Variants in PFAS observed in about 807,000 individuals in gnomAD.
PFAS encodes the protein FGAM synthase.
A neutral mutation model predicts 140.6 loss-of-function variants in PFAS; 97 were observed. That is an observed-to-expected ratio of 0.69 (90% CI 0.59 to 0.82). The LOEUF is 0.82. PFAS is among the 40% of genes least tolerant of loss of function. PFAS has a pLI of 0.00. For synonymous variants in PFAS, 679 were observed against 718.8 expected (o/e 0.94, Z 0.88); for missense variants, 1,656 against 1,780.2 (o/e 0.93, Z 1.26).
At position 8,266,272 on chromosome 17, in the gene PFAS, G is replaced by A; in HGVS notation, c.2740G>A (p.Gly914Ser). 1 of 1,614,126 alleles carries A rather than the reference G, an allele frequency of 6.2e-7. No individual in the cohort carries two copies. Among genetic ancestry groups the A allele is most frequent in the Non-Finnish European group, 8.5e-7 (1 of 1,180,006 alleles). Residue 914 changes from glycine to serine, a missense_variant, in exon 22 of 28, where the codon GGC becomes AGC. Gly to Ser is a moderately conservative substitution (Grantham distance 56, BLOSUM62 0). Around this residue, in one of 2 missense-constraint regions of PFAS, gnomAD observed 883 missense variants for 1,023.0 expected, o/e 0.86. Transcript: ENST00000314666. The surrounding 1 kb of genome is among the most constrained non-coding windows in gnomAD (Gnocchi z 5.0). ...LCSGHDVSDG[G>S]LVTCLLEMAF... ...CTCAGGCCACGATGTCAGTGACGGA[G>A]GCCTCGTCACATGCCTGCTGGAGAT...
chr17:8,255,905 C>G lies in PFAS; in HGVS notation c.675C>G (p.Ser225=). The change falls in exon 6 of 28, where the codon TCC becomes TCG. Residue 225 remains serine, a synonymous_variant. Coordinates refer to ENST00000314666, the MANE Select transcript of PFAS (RefSeq NM_012393.3). ...TGGAGGCCTTTGACTTGGCGCAGTC[C>G]AATAGGTGAGGAGAAATGGGGTTGT... is the stretch of plus-strand genomic sequence containing the variant. ...STVEAFDLAQ[S]NSEHSRHWFF... is the part of the protein sequence containing the mutation. The G allele has an allele frequency of 6.2e-7, 1 of 1,610,236 alleles. No homozygotes were observed. Among genetic ancestry groups the G allele is most frequent in the South Asian group, 1.1e-5 (1 of 91,000 alleles).
Position 8,265,953 on chromosome 17 carries a change from T to A in PFAS, c.2637T>A (p.Pro879=), listed in dbSNP as rs1403541548. 1 of 1,613,666 alleles carries A rather than the reference T, an allele frequency of 6.2e-7. No individual in the cohort carries two copies. The highest frequency in any genetic ancestry group is 8.5e-7 in the Non-Finnish European group (1 of 1,179,818). Residue 879 remains proline, a synonymous_variant, in exon 21 of 28, where the codon CCT becomes CCA. Transcript: ENST00000314666. ...GCTTCTCCCAGCTTGGGGAACACCC[T>A]CCAGACCTGGACCTTCCTGAGAACT... is the stretch of plus-strand genomic sequence containing the variant. ...AQCFSQLGEH[P]PDLDLPENLV...
chr17:8,262,817 G>T (rs966199553), intron 11 of PFAS, 103 bp from the exon 12 acceptor site: 1 of 884,416 alleles, frequency 1.1e-6, no homozygotes, highest in Admixed American at 1.9e-5. Flanking sequence ...AGCTGGTCAG[G>T]CTTCTCCCTA....
intron 1 of PFAS, 30 bp from the exon 2 acceptor site, chr17:8,253,829 A>C (rs1167975102): frequency 2.1e-6 from 3 of 1,450,808 alleles, no homozygotes; most frequent in African/African-American, 2.8e-5. Flanking sequence ...GTGAGCCACC[A>C]CGCCCGGCTT....
chr17:8,258,797 T>C (rs1271821231), intron 11 of PFAS, among the ~76,000 whole-genome samples: 2 of 151,942 alleles, frequency 1.3e-5, no homozygotes, highest in Non-Finnish European at 2.9e-5. Context: ...CCATCCTGGC[T>C]AACACGGTGA....
In PFAS at chr17:8,269,005, G is replaced by T; in HGVS notation, c.3758G>T (p.Gly1253Val). ...PELQAQIEAR[G>V]LAPLHWADDD... ...CTCCAAGCTCAGATTGAGGCCAGGGGCTTGGCTCCACTGCACTGGGCTGAT... is the reference window on the plus strand; with the variant it reads ...CTCCAAGCTCAGATTGAGGCCAGGGTCTTGGCTCCACTGCACTGGGCTGAT... The change falls in exon 28 of 28, where the codon GGC becomes GTC. Residue 1253 changes from glycine to valine, a missense_variant. Transcript: ENST00000314666. The T allele has an allele frequency of 6.2e-7, 1 of 1,614,194 alleles. No homozygotes were observed.
chr17:8,254,139 AG>A lies in PFAS; in HGVS notation c.143-25del, dbSNP rs1240693853. ...CCTCGGTGCTGGGGGCAGTGTCTCA[AG>A]GTGTCCTTGCCCTGTCTCCCTGCAG... On this transcript the variant is annotated intron_variant, in intron 2 of 27. Coordinates refer to ENST00000314666, the MANE Select transcript of PFAS (RefSeq NM_012393.3). 3 of 1,613,912 alleles carry A rather than the reference AG, an allele frequency of 1.9e-6. No individual in the cohort carries two copies. In the African/African-American group the frequency reaches 4.0e-5, roughly 22 times the overall value.
chr17:8,264,701 C>G (rs112093474), intron 17 of PFAS, 100 bp downstream of exon 17: 6 of 1,350,390 alleles, frequency 4.4e-6, no homozygotes, highest in Admixed American at 4.5e-5. Flanking sequence ...TTTGCCTGGC[C>G]CTGCAGGAAG....
chr17:8,260,001 T>C (rs1989527028), intron 11 of PFAS, among the ~76,000 whole-genome samples: 1 of 151,786 alleles, frequency 6.6e-6, no homozygotes, highest in African/African-American at 2.4e-5. Context: ...CTCGGGAGGC[T>C]GAGGCAGGAG....
chr17:8,267,002 C>G lies in PFAS; in HGVS notation c.2968-26C>G, dbSNP rs138099383. ...GAGGGGGCCATCCTTTCTCCTAGCC[C>G]GTGGGAGATTTGTTCCTCTTCCTAG... On this transcript the variant is annotated intron_variant, in intron 23 of 27. Coordinates refer to ENST00000314666, the MANE Select transcript of PFAS (RefSeq NM_012393.3). The surrounding 1 kb of genome is among the most constrained non-coding windows in gnomAD (Gnocchi z 4.9). 2.5e-6 allele frequency: 4 copies of G among 1,611,904 alleles called. No homozygotes were observed. The highest frequency in any genetic ancestry group is 3.4e-6 in the Non-Finnish European group (4 of 1,179,272).
At chr17:8,258,922 C>G (rs1209705620) in intron 11 of PFAS, among the ~76,000 whole-genome samples, 2 of 150,666 alleles carry the variant, frequency 1.3e-5, no homozygotes, top group South Asian at 2.1e-4. Flanking sequence ...GGAGGTGGAG[C>G]TTGCAGTGAG....
rs766941499 is a variant in PFAS, at chr17:8,258,135, C to G, written c.1272C>G (p.Ile424Met). ...AGCGGCGTGAGTGGATCAAGCCCATCATGTTTAGTGGGGGCATTGGGTCCA... is the reference window on the plus strand; with the variant it reads ...AGCGGCGTGAGTGGATCAAGCCCATGATGTTTAGTGGGGGCATTGGGTCCA... ...DGQRREWIKP[I>M]MFSGGIGSME... The change falls in exon 11 of 28, where the codon ATC (isoleucine) becomes ATG (methionine). Residue 424 changes from isoleucine (I) to methionine (M), a missense_variant. By Grantham distance (10) the Ile-to-Met change is conservative. Transcript: ENST00000314666. 1.2e-6 allele frequency: 2 copies of G among 1,614,142 alleles called. No homozygotes were observed. The highest frequency in any genetic ancestry group is 4.5e-5 in the East Asian group (2 of 44,888).
chr17:8,264,422 C>G, intron 16 of PFAS, 48 bp from the exon 17 acceptor site: 1 of 1,612,154 alleles, frequency 6.2e-7, no homozygotes, highest in Non-Finnish European at 8.5e-7. Flanking sequence ...GCCTGTGTGC[C>G]CAGCCCGCCC....
chr17:8,257,299 G>A (rs944272578), intron 9 of PFAS, among the ~76,000 whole-genome samples: 30 of 152,100 alleles, frequency 2.0e-4, no homozygotes, highest in Admixed American at 1.5e-3. Flanking sequence ...GCTCACGCCT[G>A]TAATCCCAGC....
Position 8,266,811 on chromosome 17 carries a change from C to G in PFAS, c.2880C>G (p.Asp960Glu). 6.2e-7 allele frequency: 1 copy of G among 1,612,484 alleles called. No individual in the cohort carries two copies. The highest frequency in any genetic ancestry group is 1.1e-5 in the South Asian group (1 of 91,060). ...TCGTGCTGGAGGTGCAGGAGCCAGA[C>G]CTGGCCCAGGTGCTGAAGCGTTACC... ...PGLVLEVQEP[D>E]LAQVLKRYRD... is the part of the protein sequence containing the mutation. Residue 960 changes from aspartate (D) to glutamate (E), a missense_variant, in exon 23 of 28, where the codon GAC (aspartate) becomes GAG (glutamate). Physicochemically the swap from Asp to Glu is conservative, Grantham distance 45. Around this residue, in one of 2 missense-constraint regions of PFAS, gnomAD observed 883 missense variants for 1,023.0 expected, o/e 0.86. Transcript: ENST00000314666. The surrounding 1 kb of genome is among the most constrained non-coding windows in gnomAD (Gnocchi z 5.0).
chr17:8,254,964 C>T, intron 3 of PFAS, 63 bp from the exon 4 acceptor site: 1 of 1,139,102 alleles, frequency 8.8e-7, no homozygotes, highest in Non-Finnish European at 1.3e-6. Flanking sequence ...TAGGCAGGAT[C>T]CACCCTCCCA....
Position 8,268,651 on chromosome 17 carries a change from C to G in PFAS, c.3501C>G (p.Leu1167=). 2 of 1,613,692 alleles carry G rather than the reference C, an allele frequency of 1.2e-6. No homozygotes were observed. The highest frequency in any genetic ancestry group is 1.7e-6 in the Non-Finnish European group (2 of 1,180,004). ...VCNGCQLLAL[L]GWVGGDPNED... The stretch of plus-strand genomic sequence containing the variant: ...ATGGCTGTCAACTGCTGGCTCTGCT[C>G]GGCTGGGTGGGAGGCGACCCCAATG... The change falls in exon 27 of 28, where the codon CTC becomes CTG. Residue 1167 remains leucine, a synonymous_variant. Transcript: ENST00000314666.
chr17:8,258,806 G>A (rs982048412), intron 11 of PFAS, among the ~76,000 whole-genome samples: 3 of 151,986 alleles, frequency 2.0e-5, no homozygotes, highest in African/African-American at 7.3e-5. Flanking sequence ...CTAACACGGT[G>A]AAACCCCGTC....
At chr17:8,257,641 C>T (rs577013575) in intron 9 of PFAS, among the ~76,000 whole-genome samples, 166 bp from the exon 10 acceptor site, 10 of 152,232 alleles carry the variant, frequency 6.6e-5, no homozygotes, top group Admixed American at 2.0e-4. Context: ...AGACCAGTGC[C>T]TCACTGCAGG....
Sources: gnomAD v4.1 joint callset for allele counts (sites outside exome capture counted in the v4.1 genomes callset) on GRCh38, gnomAD v4.1.1 for gene constraint, gnomAD v4.1.1 regional missense constraint, Gnocchi (gnomAD v3.1) non-coding constraint, MANE v1.5 for transcripts, NCBI Gene and HGNC (gene_info 2026-07-23, HGNC 2026-07-21) for gene names.